PAX6: variants seen among roughly 807,000 people sequenced by gnomAD.
PAX6 encodes paired box protein Pax-6.
PAX6 carries 7 observed loss-of-function variants against 60.7 expected under a neutral mutation model. The observed-to-expected ratio is 0.12, with a 90% CI of 0.07 to 0.22. The LOEUF (loss-of-function observed/expected upper bound fraction) is 0.22. PAX6 is among the 10% of genes least tolerant of loss of function. The pLI is 1.00. For synonymous variants in PAX6, 208 were observed against 201.2 expected, an observed-to-expected ratio of 1.03 and a Z score of -0.29; for missense variants, 355 against 555.2, an observed-to-expected ratio of 0.64 and a Z score of 3.62.
At chr11:31,800,252 C>T (rs183677884) in intron 8 of PAX6, among the ~76,000 whole-genome samples, 3 of 152,222 alleles carry the variant, frequency 2.0e-5, no homozygotes, top group Non-Finnish European at 4.4e-5. Flanking sequence ...TCATGTGCAC[C>T]CTACTCATAG....
At chr11:31,810,595 C>A (rs543900640) in intron 2 of PAX6, 318 of 331,888 alleles carry the variant, frequency 9.6e-4, no homozygotes, top group Non-Finnish European at 1.6e-3. Flanking sequence ...CTGAGCTGGC[C>A]GCCCGCCCCG....
At chr11:31,810,156 TC>T (rs1376613450) in intron 2 of PAX6, 1 of 152,274 alleles carries the variant, frequency 6.6e-6, no homozygotes, top group Non-Finnish European at 1.5e-5. Context: ...AGCTCGCTCT[TC>T]CCTCTACCTC....
intron 1 of PAX6, chr11:31,816,757 C>T (rs1011235264): frequency 1.7e-5 from 11 of 648,078 alleles, no homozygotes; most frequent in African/African-American, 3.6e-5. Flanking sequence ...GGTGACTGAG[C>T]TCCGAAGGTG....
rs761362173 is a variant in PAX6, at chr11:31,801,780, C to A, written c.184-4G>T. On this transcript the variant is annotated splice_region_variant and splice_polypyrimidine_tract_variant and intron_variant, in intron 6 of 13. Transcript: ENST00000640368. Reference sequence around the variant, plus strand: ...TACTCACACATCCGTTGGACACCTGCATAGGGGAAGTGGACAGAAAACCAC... The same window carrying A: ...TACTCACACATCCGTTGGACACCTGAATAGGGGAAGTGGACAGAAAACCAC... The A allele has an allele frequency of 3.7e-5, 60 of 1,614,036 alleles. No individual in the cohort carries two copies. Among genetic ancestry groups the A allele is most frequent in the Non-Finnish European group, 4.9e-5 (58 of 1,180,032 alleles).
At chr11:31,802,667 G>A (rs376918100) in intron 5 of PAX6, 37 bp downstream of exon 5, 1 of 1,596,480 alleles carries the variant, frequency 6.3e-7, no homozygotes, top group Non-Finnish European at 8.5e-7. Flanking sequence ...GTGGAGGGCC[G>A]CGGGGGCGGC....
upstream of PAX6, chr11:31,812,324 G>GTGTA (rs1957135700): frequency 6.4e-6 from 1 of 155,630 alleles, no homozygotes; most frequent in African/African-American, 2.4e-5. Flanking sequence ...GTGTGTGTGT[G>GTGTA]TGTGTGTGTG....
intron 4 of PAX6, chr11:31,804,155 C>G (rs1162682657): frequency 1.3e-5 from 2 of 152,190 alleles, no homozygotes; most frequent in Non-Finnish European, 2.9e-5. Flanking sequence ...TAAAATAAAA[C>G]TAGCTGCACG....
chr11:31,798,424 T>C (rs1952376694), intron 8 of PAX6, among the ~76,000 whole-genome samples: 1 of 151,992 alleles, frequency 6.6e-6, no homozygotes, highest in Non-Finnish European at 1.5e-5. Context: ...GTATGGACTC[T>C]TTAAAACCCA....
chr11:31,816,715 G>T, intron 1 of PAX6: 1 of 691,796 alleles, frequency 1.4e-6, no homozygotes, highest in Non-Finnish European at 2.6e-6. Flanking sequence ...GCCACCGCTC[G>T]GAGTCGGGCG....
intron 5 of PAX6, 26 bp downstream of exon 5, chr11:31,802,678 G>T (rs970497463): frequency 6.2e-7 from 1 of 1,603,664 alleles, no homozygotes; most frequent in Admixed American, 1.7e-5. Context: ...CGGGGGCGGC[G>T]AGTGGGGCGG....
At chr11:31,815,560 C>G (rs746655768), upstream of PAX6, among the ~76,000 whole-genome samples, 2 of 152,062 alleles carry the variant, frequency 1.3e-5, no homozygotes, top group Admixed American at 6.6e-5. Context: ...CTGGCTCGCT[C>G]AAGCATCCAG....
At chr11:31,790,496 G>A (rs568208142) in intron 13 of PAX6, 1 of 985,070 alleles carries the variant, frequency 1.0e-6, no homozygotes, top group East Asian at 1.1e-4. Flanking sequence ...CAACTTTTGT[G>A]ACCAAATTCA....
chr11:31,789,440 G>A lies in PAX6; in HGVS notation c.*494C>T. On this transcript the variant is annotated 3_prime_UTR_variant, in exon 14 of 14. Coordinates refer to ENST00000640368, the MANE Select transcript of PAX6 (RefSeq NM_001368894.2). ...ATAAATCTAGTGCATGTTGTTCCAG[G>A]TTTAATTATATGCAAAGGAATGATA... 2 of 429,736 alleles carry A rather than the reference G, an allele frequency of 4.7e-6. No individual in the cohort carries two copies. Among genetic ancestry groups the A allele is most frequent in the East Asian group, 7.3e-5 (2 of 27,260 alleles). The allele number at this position is 429,736 out of a possible 1,614,324, so 26.6% of individuals were successfully genotyped here.
intron 13 of PAX6, 78 bp from the exon 14 acceptor site, chr11:31,790,097 C>CAA (rs1171009926): frequency 0.19 from 27,911 of 144,762 alleles, 6,971 homozygotes; most frequent in African/African-American, 0.28. Flanking sequence ...TATAGGTTTA[C>CAA]AAAAAAAAAA....
chr11:31,794,246 T>G, intron 9 of PAX6, 132 bp from the exon 10 acceptor site: 1 of 773,576 alleles, frequency 1.3e-6, no homozygotes, highest in South Asian at 1.4e-5. Flanking sequence ...ATGCTTCTAG[T>G]GTTGACTGTA....
Position 31,789,630 on chromosome 11 carries a change from C to A in PAX6, c.*304G>T. The A allele has an allele frequency of 2.9e-6, 2 of 691,928 alleles. No individual in the cohort carries two copies. Among genetic ancestry groups the A allele is most frequent in the South Asian group, 3.1e-5 (2 of 65,468 alleles). The allele number at this position is 691,928 out of a possible 1,614,324, so 42.9% of individuals were successfully genotyped here. On this transcript the variant is annotated 3_prime_UTR_variant, in exon 14 of 14. Coordinates refer to ENST00000640368, the MANE Select transcript of PAX6 (RefSeq NM_001368894.2). Reference sequence around the variant, plus strand: ...AACACAGATCAAACATCCATCCAGTCTACATTGTTCTTTTTTTCATTATAA... The same window carrying A: ...AACACAGATCAAACATCCATCCAGTATACATTGTTCTTTTTTTCATTATAA...
At position 31,789,424 on chromosome 11, in the gene PAX6, G is replaced by A; in HGVS notation, c.*510C>T. 2.5e-6 allele frequency: 1 copy of A among 398,008 alleles called. No individual in the cohort carries two copies. Among genetic ancestry groups the A allele is most frequent in the African/African-American group, 2.1e-5 (1 of 48,354 alleles). The allele number at this position is 398,008 out of a possible 1,614,324, so 24.7% of individuals were successfully genotyped here. On this transcript the variant is annotated 3_prime_UTR_variant, in exon 14 of 14. Transcript: ENST00000640368. ...AACAGATATTTCTGACATAAATCTA[G>A]TGCATGTTGTTCCAGGTTTAATTAT... is the stretch of plus-strand genomic sequence containing the variant.
intron 2 of PAX6, chr11:31,808,251 C>T (rs1008249569): frequency 2.0e-5 from 3 of 152,182 alleles, no homozygotes; most frequent in African/African-American, 7.2e-5. Flanking sequence ...CAAGGCCATT[C>T]CTGGTCTACT....
At chr11:31,790,920 A>C in intron 12 of PAX6, 60 bp from the exon 13 acceptor site, 1 of 1,570,182 alleles carries the variant, frequency 6.4e-7, no homozygotes, top group Non-Finnish European at 8.7e-7. Context: ...CCACAGCCCC[A>C]GGCTCCCTCC....
Sources: gnomAD v4.1 joint callset for allele counts (sites outside exome capture counted in the v4.1 genomes callset) on GRCh38, gnomAD v4.1.1 for gene constraint, MANE v1.5 for transcripts, NCBI Gene and HGNC (gene_info 2026-07-23, HGNC 2026-07-21) for gene names.